RPRD2: variants seen among roughly 807,000 people sequenced by gnomAD.
The protein encoded by RPRD2 is regulation of nuclear pre-mRNA domain containing 2.
In RPRD2, 12 loss-of-function variants were observed where a neutral mutation model predicts 104.4. That is an observed-to-expected ratio of 0.11 (90% CI 0.07 to 0.19). The LOEUF (loss-of-function observed/expected upper bound fraction) is 0.19, where lower values mean the gene tolerates loss of function less well. Ranked by LOEUF, RPRD2 falls within the 10% of genes least tolerant of loss-of-function variation. RPRD2 has a pLI of 1.00. For synonymous variants in RPRD2, 714 were observed against 684.9 expected (o/e 1.04, Z -0.66); for missense variants, 1,543 against 1,790.1 (o/e 0.86, Z 2.49).
Position 150,472,827 on chromosome 1 carries a change from CCCT to C in RPRD2, c.3885_3887del (p.Pro1298del), listed in dbSNP as rs1668684489. ...GTGGTGTCCCCTTTTCTACTCCACC[CCCT>C]CCTCCACCCCCTGTTGACCACTCTG... On this transcript the variant is annotated inframe_deletion, in exon 11 of 11. Coordinates refer to ENST00000369068, the MANE Select transcript of RPRD2 (RefSeq NM_015203.5). 1 of 1,609,112 alleles carries C rather than the reference CCCT, an allele frequency of 6.2e-7. No individual in the cohort carries two copies. Among genetic ancestry groups the C allele is most frequent in the Non-Finnish European group, 8.5e-7 (1 of 1,176,578 alleles).
intron 1 of RPRD2, 37 bp from the exon 2 acceptor site, chr1:150,417,559 T>C (rs1664438729): frequency 1.4e-6 from 2 of 1,454,146 alleles, no homozygotes; most frequent in Non-Finnish European, 1.8e-6. Context: ...GCAAATTGAC[T>C]CATTTGGTTT....
At chr1:150,411,348 T>C (rs1445088971) in intron 1 of RPRD2, among the ~76,000 whole-genome samples, 1 of 147,686 alleles carries the variant, frequency 6.8e-6, no homozygotes, top group Non-Finnish European at 1.5e-5. Context: ...GTAGTCCCAG[T>C]TACTCAGGAA....
At position 150,470,887 on chromosome 1, in the gene RPRD2, A is replaced by G; in HGVS notation, c.1939A>G (p.Thr647Ala). ...TSPAAPPTEV[T>A]ICQSSEVSKP... ...CCCTGCTGCCCCACCTACTGAAGTT[A>G]CCATCTGCCAATCTTCAGAGGTCTC... Residue 647 changes from threonine to alanine, a missense_variant, in exon 11 of 11, where the codon ACC becomes GCC. This residue lies in a region of RPRD2 where 572 missense variants were observed against 787.3 expected (regional missense o/e 0.73). Coordinates refer to ENST00000369068, the MANE Select transcript of RPRD2 (RefSeq NM_015203.5). The G allele has an allele frequency of 3.1e-6, 5 of 1,613,996 alleles. No homozygotes were observed. Among genetic ancestry groups the G allele is most frequent in the Non-Finnish European group, 4.2e-6 (5 of 1,179,892 alleles).
At chr1:150,365,834 ACCTG>A (rs1659802476) in intron 1 of RPRD2, among the ~76,000 whole-genome samples, 2 of 151,948 alleles carry the variant, frequency 1.3e-5, no homozygotes, top group Non-Finnish European at 2.9e-5. Context: ...CAGGTGATCC[ACCTG>A]CCTCGGCCTC....
intron 2 of RPRD2, among the ~76,000 whole-genome samples, chr1:150,427,287 A>G (rs1242642816): frequency 6.6e-6 from 1 of 152,224 alleles, no homozygotes; most frequent in Admixed American, 6.5e-5. Flanking sequence ...ATCCTGGCCA[A>G]CATGGTCAAA....
At chr1:150,433,406 T>C (rs35784258) in intron 2 of RPRD2, among the ~76,000 whole-genome samples, 83,972 of 141,264 alleles carry the variant, frequency 0.59, 25,643 homozygotes, top group African/African-American at 0.65. Context: ...AATATATATA[T>C]ACTATATATA....
chr1:150,406,304 C>T (rs1236488191), intron 1 of RPRD2, among the ~76,000 whole-genome samples: 2 of 152,076 alleles, frequency 1.3e-5, no homozygotes, highest in East Asian at 1.9e-4. Flanking sequence ...GAACATATAC[C>T]CCCATGTTAA....
At chr1:150,402,812 C>T (rs889190945) in intron 1 of RPRD2, among the ~76,000 whole-genome samples, 2 of 152,110 alleles carry the variant, frequency 1.3e-5, no homozygotes, top group African/African-American at 2.4e-5. Context: ...ACTAAAAATA[C>T]GAAAATTAGC....
intron 1 of RPRD2, among the ~76,000 whole-genome samples, chr1:150,408,754 CCT>C (rs1161676783): frequency 2.0e-5 from 3 of 152,160 alleles, no homozygotes; most frequent in African/African-American, 4.8e-5. Flanking sequence ...TAACTATTCC[CCT>C]GTTACTATTC....
chr1:150,467,171 C>A (rs987516173), intron 10 of RPRD2, among the ~76,000 whole-genome samples: 1 of 152,142 alleles, frequency 6.6e-6, no homozygotes, highest in Non-Finnish European at 1.5e-5. Flanking sequence ...GTGGATCATT[C>A]AAGCATATTA....
At chr1:150,391,262 A>G (rs587660082) in intron 1 of RPRD2, among the ~76,000 whole-genome samples, 2 of 152,256 alleles carry the variant, frequency 1.3e-5, no homozygotes, top group South Asian at 4.1e-4. Flanking sequence ...ACATTTCCAT[A>G]AAGACAAAAG....
intron 10 of RPRD2, among the ~76,000 whole-genome samples, chr1:150,468,354 T>TAA (rs71578501): frequency 2.6e-4 from 38 of 144,970 alleles, no homozygotes; most frequent in African/African-American, 8.3e-4. Flanking sequence ...TAAAAATAAT[T>TAA]AAAAAAAAAA....
intron 1 of RPRD2, among the ~76,000 whole-genome samples, chr1:150,369,874 G>A (rs1448728012): frequency 3.3e-5 from 5 of 151,686 alleles, no homozygotes; most frequent in African/African-American, 7.3e-5. Flanking sequence ...TCCATCTCCC[G>A]GGCTCAAGTG....
chr1:150,433,995 TTAA>T (rs1386188940), intron 2 of RPRD2, among the ~76,000 whole-genome samples: 1 of 152,024 alleles, frequency 6.6e-6, no homozygotes, highest in Non-Finnish European at 1.5e-5. Context: ...ATCAATAGAC[TTAA>T]TAAGTGAGTT....
At chr1:150,468,910 G>A (rs587735171) in intron 10 of RPRD2, among the ~76,000 whole-genome samples, 22 of 150,118 alleles carry the variant, frequency 1.5e-4, no homozygotes, top group Admixed American at 8.7e-4. Context: ...TAGTAGGGAT[G>A]AATTATGTGG....
intron 8 of RPRD2, among the ~76,000 whole-genome samples, chr1:150,458,545 A>T (rs1336744441): frequency 6.6e-6 from 1 of 152,198 alleles, no homozygotes; most frequent in African/African-American, 2.4e-5. Flanking sequence ...TCTCATTAAT[A>T]ATTTTTTATT....
chr1:150,378,768 A>G (rs2102119516), intron 1 of RPRD2, among the ~76,000 whole-genome samples: 2 of 152,098 alleles, frequency 1.3e-5, no homozygotes, highest in South Asian at 4.2e-4. Flanking sequence ...GGATCACATG[A>G]GGTCAGGAGT....
intron 1 of RPRD2, among the ~76,000 whole-genome samples, chr1:150,367,024 A>G (rs192652461): frequency 7.2e-5 from 11 of 152,262 alleles, no homozygotes; most frequent in African/African-American, 2.6e-4. Flanking sequence ...GCCTGAGCTT[A>G]TTTCCTTTAT....
At chr1:150,413,472 G>A (rs1433248372) in intron 1 of RPRD2, among the ~76,000 whole-genome samples, 2 of 152,054 alleles carry the variant, frequency 1.3e-5, no homozygotes, top group African/African-American at 4.8e-5. Context: ...GTGCGGTGGC[G>A]CATGCCTGTA....
Sources: gnomAD v4.1 joint callset for allele counts (sites outside exome capture counted in the v4.1 genomes callset) on GRCh38, gnomAD v4.1.1 for gene constraint, gnomAD v4.1.1 regional missense constraint, MANE v1.5 for transcripts, NCBI Gene and HGNC (gene_info 2026-07-23, HGNC 2026-07-21) for gene names.